LOC400499: variants seen among roughly 807,000 people sequenced by gnomAD.
chr16:11,423,222 A>T, the LOC400499 span: 1 of 399,270 alleles, frequency 2.5e-6, no homozygotes, highest in Non-Finnish European at 4.4e-6. Flanking sequence ...CCATCCTAAC[A>T]GCTGGGTGGG....
the LOC400499 span, chr16:11,381,186 C>G: frequency 6.6e-6 from 1 of 152,188 alleles, no homozygotes; most frequent in African/African-American, 2.4e-5. Context: ...GTGGCACTAC[C>G]TTGTTTCTCT....
At chr16:11,509,204 G>A in the LOC400499 span, among the ~76,000 whole-genome samples, 3 of 145,718 alleles carry the variant, frequency 2.1e-5, no homozygotes, top group African/African-American at 5.1e-5. Flanking sequence ...TGCAAGCTCC[G>A]CCTCCTGGGT....
chr16:11,416,419 G>C, the LOC400499 span, among the ~76,000 whole-genome samples: 1 of 152,074 alleles, frequency 6.6e-6, no homozygotes, highest in African/African-American at 2.4e-5. Context: ...CCTAGACCAG[G>C]TGACTCAACC....
the LOC400499 span, among the ~76,000 whole-genome samples, chr16:11,452,201 GTTTGTTT>G: frequency 1.3e-5 from 1 of 77,196 alleles, no homozygotes; most frequent in Non-Finnish European, 3.1e-5. Context: ...CAGTTTTTTT[GTTTGTTT>G]TTTTTTTTTT....
chr16:11,415,711 G>A, the LOC400499 span, among the ~76,000 whole-genome samples: 1 of 152,166 alleles, frequency 6.6e-6, no homozygotes, highest in Non-Finnish European at 1.5e-5. Context: ...CAACAGACTG[G>A]ACAGCAGTGG....
chr16:11,480,629 G>T, the LOC400499 span, among the ~76,000 whole-genome samples: 2 of 151,958 alleles, frequency 1.3e-5, no homozygotes, highest in African/African-American at 2.4e-5. Context: ...ACAATAAGAA[G>T]AGAAAAAGTA....
chr16:11,505,309 C>A, the LOC400499 span, among the ~76,000 whole-genome samples: 4 of 151,994 alleles, frequency 2.6e-5, no homozygotes, highest in African/African-American at 7.3e-5. Flanking sequence ...CACACAGTTA[C>A]AATAAACATG....
the LOC400499 span, chr16:11,404,679 T>A: frequency 5.0e-6 from 2 of 399,066 alleles, no homozygotes; most frequent in Non-Finnish European, 8.8e-6. Flanking sequence ...GGGCCACCCC[T>A]GCCTGCAGCC....
chr16:11,390,231 G>C, the LOC400499 span: 1 of 1,232,316 alleles, frequency 8.1e-7, no homozygotes, highest in Non-Finnish European at 1.0e-6. Flanking sequence ...GTGAGAGCTG[G>C]CTCAGTCATC....
chr16:11,392,389 G>T, the LOC400499 span: 1 of 398,988 alleles, frequency 2.5e-6, no homozygotes. Context: ...CAGCCTGCAG[G>T]GTCAGGCGTC....
chr16:11,383,267 C>T, the LOC400499 span, among the ~76,000 whole-genome samples: 6 of 152,120 alleles, frequency 3.9e-5, no homozygotes, highest in African/African-American at 1.2e-4. Flanking sequence ...CGGGGTTTCA[C>T]CGTGTTAGCC....
the LOC400499 span, among the ~76,000 whole-genome samples, chr16:11,479,149 A>G: frequency 2.0e-5 from 3 of 152,330 alleles, no homozygotes; most frequent in Non-Finnish European, 4.4e-5. Context: ...GCTGAAGAGA[A>G]AGGTCAAGAA....
chr16:11,394,930 G>C, the LOC400499 span, among the ~76,000 whole-genome samples: 1 of 152,220 alleles, frequency 6.6e-6, no homozygotes, highest in Non-Finnish European at 1.5e-5. Context: ...CCTTCCAGTT[G>C]GTGGCAATTT....
chr16:11,390,408 C>T, the LOC400499 span: 4 of 1,250,368 alleles, frequency 3.2e-6, no homozygotes, highest in African/African-American at 6.1e-5. Flanking sequence ...GCCACACCTC[C>T]TCCAGGGGCC....
At chr16:11,477,963 G>A in the LOC400499 span, 1 of 398,988 alleles carries the variant, frequency 2.5e-6, no homozygotes, top group Middle Eastern at 6.3e-4. Context: ...ACCAGTTCCT[G>A]TGCGGCCAGG....
chr16:11,447,606 C>T, the LOC400499 span, among the ~76,000 whole-genome samples: 3 of 152,082 alleles, frequency 2.0e-5, no homozygotes, highest in Non-Finnish European at 2.9e-5. Context: ...TGGCTCTGCT[C>T]GTCCTAACCT....
chr16:11,503,232 TA>T, the LOC400499 span, among the ~76,000 whole-genome samples: 7 of 152,048 alleles, frequency 4.6e-5, no homozygotes, highest in African/African-American at 1.7e-4. Flanking sequence ...ATATTCCTAA[TA>T]AAAAAATTGT....
chr16:11,507,704 G>T, the LOC400499 span, among the ~76,000 whole-genome samples: 2 of 152,168 alleles, frequency 1.3e-5, no homozygotes, highest in Non-Finnish European at 2.9e-5. Context: ...AGCTGAGGTG[G>T]GAGGACTGTT....
At chr16:11,436,813 C>T in the LOC400499 span, among the ~76,000 whole-genome samples, 4 of 151,870 alleles carry the variant, frequency 2.6e-5, no homozygotes, top group Middle Eastern at 3.4e-3. Context: ...AGGTTGGTCT[C>T]GAACTTCTGA....
Sources: gnomAD v4.1 joint callset for allele counts (sites outside exome capture counted in the v4.1 genomes callset) on GRCh38, gnomAD v4.1.1 for gene constraint, MANE v1.5 for transcripts.